The following KCNA1 variants were observed in gnomAD, a reference collection of about 807,000 sequenced individuals.
KCNA1 encodes the protein potassium channel, voltage gated shaker related subfamily A, member 1.
KCNA1 carries 19 observed loss-of-function variants against 28.8 expected under a neutral mutation model. The ratio of observed to expected loss-of-function variants is 0.66; its 90% CI spans 0.46 to 0.97. KCNA1 has a LOEUF of 0.97. Ranked by LOEUF, KCNA1 falls within the 50% of genes least tolerant of loss-of-function variation. The pLI, the probability that KCNA1 is intolerant of heterozygous loss-of-function variation, is 0.00. For missense variants in KCNA1, 419 were observed against 659.7 expected (o/e 0.64, Z 4.00); for synonymous variants, 311 against 268.8 (o/e 1.16, Z -1.53).
At position 4,913,273 on chromosome 12, in the gene KCNA1, G is replaced by A. The variant is rs914667114; in HGVS notation, c.*407G>A. On this transcript the variant is annotated 3_prime_UTR_variant, in exon 2 of 2. Coordinates refer to ENST00000382545, the MANE Select transcript of KCNA1 (RefSeq NM_000217.3). ...ACTTAGAAATATGAAATTGAAATTC[G>A]CATGGGACTCCAGTAAAACATCTTT... is the stretch of plus-strand genomic sequence containing the variant. The A allele has an allele frequency of 2.2e-5, 6 of 272,652 alleles. No homozygotes were observed. The highest frequency in any genetic ancestry group is 4.5e-5 in the South Asian group (1 of 22,248). The allele number at this position is 272,652 out of a possible 1,614,324, so 16.9% of individuals were successfully genotyped here.
Position 4,911,147 on chromosome 12 carries a change from C to T in KCNA1, c.-232C>T. On this transcript the variant is annotated 5_prime_UTR_variant, in exon 2 of 2. Coordinates refer to ENST00000382545, the MANE Select transcript of KCNA1 (RefSeq NM_000217.3). The surrounding 1 kb of genome is among the most constrained non-coding windows in gnomAD (Gnocchi z 6.6). ...ACCCTCTGCAAAAAGCTGCACCCGG[C>T]CCGCAGGCGAGGGGGATTCCAAACT... 1.7e-6 allele frequency: 1 copy of T among 596,738 alleles called. No individual in the cohort carries two copies. The highest frequency in any genetic ancestry group is 3.0e-6 in the Non-Finnish European group (1 of 335,102). 37.0% of individuals were successfully genotyped at this position (596,738 alleles called of 1,614,324 possible).
rs1947396695 is a variant in KCNA1, at chr12:4,918,096, A to C, written c.*5230A>C. ...CCTACTGCGCATTCTCCCTTCTCTA[A>C]CTGTGTAATATGTCAGGTCAAGGAC... On this transcript the variant is annotated 3_prime_UTR_variant, in exon 2 of 2. Transcript: ENST00000382545. The C allele has an allele frequency of 6.0e-6, 1 of 167,008 alleles. No individual in the cohort carries two copies. The highest frequency in any genetic ancestry group is 1.5e-5 in the Non-Finnish European group (1 of 68,100). 10.3% of individuals were successfully genotyped at this position (167,008 alleles called of 1,614,324 possible).
chr12:4,917,803 T>C lies in KCNA1; in HGVS notation c.*4937T>C, dbSNP rs1947394609. The C allele has an allele frequency of 6.0e-6, 1 of 167,076 alleles. No individual in the cohort carries two copies. The highest frequency in any genetic ancestry group is 2.1e-4 in the South Asian group (1 of 4,824). The allele number at this position is 167,076 out of a possible 1,614,324, so 10.3% of individuals were successfully genotyped here. A position where few individuals can be genotyped will look rare whatever the true frequency, so the allele number is the denominator to read the frequency against. Reference sequence around the variant, plus strand: ...TATTCCAGGTCAAAGTTGTCTCCTCTCCAAACCTTGCAGAAGCACCTTTCT... The same window carrying C: ...TATTCCAGGTCAAAGTTGTCTCCTCCCCAAACCTTGCAGAAGCACCTTTCT... On this transcript the variant is annotated 3_prime_UTR_variant, in exon 2 of 2. Transcript: ENST00000382545.
At position 4,910,339 on chromosome 12, in the gene KCNA1, T is replaced by G. The variant is rs1200107865; in HGVS notation, c.-673T>G. On this transcript the variant is annotated 5_prime_UTR_variant, in exon 1 of 2. Transcript: ENST00000382545. This position sits in a 1 kb window ranked among gnomAD's most constrained non-coding sequence, Gnocchi z 4.9. ...GACGAGTGGACCAGGGCGGCGAGTTTGCCCGGCGCGTCTCGGATGCTGCTG... is the reference window on the plus strand; with the variant it reads ...GACGAGTGGACCAGGGCGGCGAGTTGGCCCGGCGCGTCTCGGATGCTGCTG... 2 of 152,208 alleles carry G rather than the reference T, an allele frequency of 1.3e-5. No homozygotes were observed. Among genetic ancestry groups the G allele is most frequent in the African/African-American group, 4.8e-5 (2 of 41,452 alleles). 9.4% of individuals were successfully genotyped at this position (152,208 alleles called of 1,614,324 possible). A position where few individuals can be genotyped will look rare whatever the true frequency, so the allele number is the denominator to read the frequency against.
Position 4,911,545 on chromosome 12 carries a change from C to T in KCNA1, c.167C>T (p.Ala56Val). The change falls in exon 2 of 2, where the codon GCG becomes GTG. Residue 56 changes from alanine to valine, a missense_variant. This residue lies in a region of KCNA1 where 217 missense variants were observed against 329.6 expected (regional missense o/e 0.66). Transcript: ENST00000382545. This position sits in a 1 kb window ranked among gnomAD's most constrained non-coding sequence, Gnocchi z 6.6. Reference protein sequence around the residue: ...LRFETQLKTLAQFPNTLLGNP... With the variant: ...LRFETQLKTLVQFPNTLLGNP... ...TTCGAGACGCAGCTCAAGACCCTGG[C>T]GCAGTTCCCCAACACGCTGCTGGGC... is the stretch of plus-strand genomic sequence containing the variant. 6.2e-7 allele frequency: 1 copy of T among 1,614,194 alleles called. No individual in the cohort carries two copies. The highest frequency in any genetic ancestry group is 8.5e-7 in the Non-Finnish European group (1 of 1,180,036).
Position 4,912,562 on chromosome 12 carries a change from C to T in KCNA1, c.1184C>T (p.Ala395Val). 6.2e-7 allele frequency: 1 copy of T among 1,613,942 alleles called. No individual in the cohort carries two copies. Among genetic ancestry groups the T allele is most frequent in the Non-Finnish European group, 8.5e-7 (1 of 1,179,988 alleles). Residue 395 changes from alanine (A) to valine (V), a missense_variant, in exon 2 of 2, where the codon GCT becomes GTT. This residue lies in a region of KCNA1 where 54 missense variants were observed against 186.4 expected (regional missense o/e 0.29). Transcript: ENST00000382545. ...ATCGTGGGCTCCTTGTGTGCCATCG[C>T]TGGTGTGCTAACAATTGCCCTGCCC... ...GKIVGSLCAI[A>V]GVLTIALPVP... is the part of the protein sequence containing the mutation.
rs1452764798 is a variant in KCNA1, at chr12:4,915,601, T to C, written c.*2735T>C. The C allele has an allele frequency of 6.0e-6, 1 of 167,122 alleles. No homozygotes were observed. Among genetic ancestry groups the C allele is most frequent in the African/African-American group, 2.4e-5 (1 of 41,458 alleles). The allele number at this position is 167,122 out of a possible 1,614,324, so 10.4% of individuals were successfully genotyped here. A position where few individuals can be genotyped will look rare whatever the true frequency, so the allele number is the denominator to read the frequency against. On this transcript the variant is annotated 3_prime_UTR_variant, in exon 2 of 2. Transcript: ENST00000382545. ...CCTCCCATGTGATGTCTCCTTCTCG[T>C]CTGAACCTTAACTCATTCTGGCGAT...
rs1212813081 is a variant in KCNA1 at position 4,916,457 on chromosome 12, C to T, written c.*3591C>T. 1 of 167,108 alleles carries T rather than the reference C, an allele frequency of 6.0e-6. No individual in the cohort carries two copies. Among genetic ancestry groups the T allele is most frequent in the Admixed American group, 6.5e-5 (1 of 15,288 alleles). 10.4% of individuals were successfully genotyped at this position (167,108 alleles called of 1,614,324 possible). A position where few individuals can be genotyped will look rare whatever the true frequency, so the allele number is the denominator to read the frequency against. Reference sequence around the variant, plus strand: ...CAGAGAGACCAAAGACATTCATTTCCTCTGTCCTCAGATTTCTAGAAGACA... The same window carrying T: ...CAGAGAGACCAAAGACATTCATTTCTTCTGTCCTCAGATTTCTAGAAGACA... On this transcript the variant is annotated 3_prime_UTR_variant, in exon 2 of 2. Coordinates refer to ENST00000382545, the MANE Select transcript of KCNA1 (RefSeq NM_000217.3).
At position 4,912,224 on chromosome 12, in the gene KCNA1, C is replaced by T. The variant is rs971854626; in HGVS notation, c.846C>T (p.Gly282=). 1 of 1,612,874 alleles carries T rather than the reference C, an allele frequency of 6.2e-7. No homozygotes were observed. Among genetic ancestry groups the T allele is most frequent in the Non-Finnish European group, 8.5e-7 (1 of 1,179,780 alleles). The change falls in exon 2 of 2, where the codon GGC becomes GGT. Residue 282 remains glycine, a synonymous_variant. Coordinates refer to ENST00000382545, the MANE Select transcript of KCNA1 (RefSeq NM_000217.3). ...EIAEQEGNQK[G]EQATSLAILR... ...CTGAGCAGGAAGGAAACCAGAAGGG[C>T]GAGCAGGCCACCTCCCTGGCCATCC...
rs555768483 is a variant in KCNA1 at position 4,917,159 on chromosome 12, G to C, written c.*4293G>C. ...CTGCCAAACAAGCATGTTATCTTCA[G>C]GCTTTTCCAAGCAAGAATGAAGTCT... On this transcript the variant is annotated 3_prime_UTR_variant, in exon 2 of 2. Coordinates refer to ENST00000382545, the MANE Select transcript of KCNA1 (RefSeq NM_000217.3). 6.0e-6 allele frequency: 1 copy of C among 167,112 alleles called. No homozygotes were observed. The highest frequency in any genetic ancestry group is 2.1e-4 in the South Asian group (1 of 4,806). 10.4% of individuals were successfully genotyped at this position (167,112 alleles called of 1,614,324 possible).
Position 4,917,140 on chromosome 12 carries a change from A to G in KCNA1, c.*4274A>G, listed in dbSNP as rs749760679. ...TTGTTAGAAAGAATATAAACTGCCA[A>G]ACAAGCATGTTATCTTCAGGCTTTT... is the stretch of plus-strand genomic sequence containing the variant. On this transcript the variant is annotated 3_prime_UTR_variant, in exon 2 of 2. Transcript: ENST00000382545. 1 of 167,076 alleles carries G rather than the reference A, an allele frequency of 6.0e-6. No individual in the cohort carries two copies. Among genetic ancestry groups the G allele is most frequent in the Non-Finnish European group, 1.5e-5 (1 of 68,124 alleles). 10.3% of individuals were successfully genotyped at this position (167,076 alleles called of 1,614,324 possible). A position where few individuals can be genotyped will look rare whatever the true frequency, so the allele number is the denominator to read the frequency against.
chr12:4,911,367 C>G lies in KCNA1; in HGVS notation c.-12C>G. Reference sequence around the variant, plus strand: ...CTCTCCTGGCCTCCCACCCCCGCGCCCGGCTTCCACCATGACGGTGATGTC... The same window carrying G: ...CTCTCCTGGCCTCCCACCCCCGCGCGCGGCTTCCACCATGACGGTGATGTC... On this transcript the variant is annotated 5_prime_UTR_variant, in exon 2 of 2. Transcript: ENST00000382545. This position sits in a 1 kb window ranked among gnomAD's most constrained non-coding sequence, Gnocchi z 6.6. 6.2e-7 allele frequency: 1 copy of G among 1,610,938 alleles called. No homozygotes were observed. Among genetic ancestry groups the G allele is most frequent in the Non-Finnish European group, 8.5e-7 (1 of 1,179,628 alleles).
rs1361446640 is a variant in KCNA1, at chr12:4,912,424, C to T, written c.1046C>T (p.Ala349Val). ...TCTAGTGCAGTGTACTTTGCCGAGG[C>T]GGAAGAAGCTGAGTCGCACTTCTCC... ...LFSSAVYFAE[A>V]EEAESHFSSI... is the part of the protein sequence containing the mutation. The change falls in exon 2 of 2, where the codon GCG becomes GTG. Residue 349 changes from alanine (A) to valine (V), a missense_variant. Around this residue, in one of 4 missense-constraint regions of KCNA1, gnomAD observed 54 missense variants for 186.4 expected, o/e 0.29. Transcript: ENST00000382545. The T allele has an allele frequency of 1.2e-6, 2 of 1,613,906 alleles. No individual in the cohort carries two copies. The highest frequency in any genetic ancestry group is 1.7e-5 in the Admixed American group (1 of 60,008).
In KCNA1 at chr12:4,911,532, C is replaced by A. The variant is rs1308404461; in HGVS notation, c.154C>A (p.Leu52Ile). The change falls in exon 2 of 2, where the codon CTC (leucine) becomes ATC (isoleucine). Residue 52 changes from leucine to isoleucine, a missense_variant. Physicochemically the swap from Leu to Ile is conservative, Grantham distance 5. Coordinates refer to ENST00000382545, the MANE Select transcript of KCNA1 (RefSeq NM_000217.3). This position sits in a 1 kb window ranked among gnomAD's most constrained non-coding sequence, Gnocchi z 6.6. ...NISGLRFETQLKTLAQFPNTL... is the reference protein window; with the variant it reads ...NISGLRFETQIKTLAQFPNTL... ...CTCCGGGCTGCGCTTCGAGACGCAGCTCAAGACCCTGGCGCAGTTCCCCAA... is the reference window on the plus strand; with the variant it reads ...CTCCGGGCTGCGCTTCGAGACGCAGATCAAGACCCTGGCGCAGTTCCCCAA... 1.2e-6 allele frequency: 2 copies of A among 1,614,188 alleles called. No homozygotes were observed. The highest frequency in any genetic ancestry group is 1.7e-6 in the Non-Finnish European group (2 of 1,180,038).
chr12:4,911,613 G>T lies in KCNA1; in HGVS notation c.235G>T (p.Glu79Ter), dbSNP rs998114173. ...GCGCTACTTCGACCCCCTGAGGAAC[G>T]AGTACTTCTTCGACCGCAACCGGCC... ...RMRYFDPLRN[E>*]YFFDRNRPSF... is the part of the protein sequence containing the mutation. The change falls in exon 2 of 2, where the codon GAG becomes TAG. Residue 79 changes from glutamate to a stop codon, truncating the protein, a stop_gained. Transcript: ENST00000382545. LOFTEE classifies it high-confidence loss of function. This position sits in a 1 kb window ranked among gnomAD's most constrained non-coding sequence, Gnocchi z 6.6. The T allele has an allele frequency of 6.2e-7, 1 of 1,614,166 alleles. No individual in the cohort carries two copies. The highest frequency in any genetic ancestry group is 1.3e-5 in the African/African-American group (1 of 75,044).
At position 4,911,287 on chromosome 12, in the gene KCNA1, G is replaced by A; in HGVS notation, c.-92G>A. The A allele has an allele frequency of 2.0e-5, 20 of 983,266 alleles. No individual in the cohort carries two copies. Among genetic ancestry groups the A allele is most frequent in the Non-Finnish European group, 2.8e-5 (18 of 653,702 alleles). The allele number at this position is 983,266 out of a possible 1,614,324, so 60.9% of individuals were successfully genotyped here. A position where few individuals can be genotyped will look rare whatever the true frequency, so the allele number is the denominator to read the frequency against. Reference sequence around the variant, plus strand: ...TGAGGGAGACGCGCGCTCCGGTGGGGGGGCCGCTTGGGTCCCCCCCACCCC... The same window carrying A: ...TGAGGGAGACGCGCGCTCCGGTGGGAGGGCCGCTTGGGTCCCCCCCACCCC... On this transcript the variant is annotated 5_prime_UTR_variant, in exon 2 of 2. Coordinates refer to ENST00000382545, the MANE Select transcript of KCNA1 (RefSeq NM_000217.3). This position sits in a 1 kb window ranked among gnomAD's most constrained non-coding sequence, Gnocchi z 6.6.
rs1045641584 is a variant in KCNA1 at position 4,911,263 on chromosome 12, G to A, written c.-116G>A. The A allele has an allele frequency of 5.3e-6, 4 of 748,746 alleles. No homozygotes were observed. Among genetic ancestry groups the A allele is most frequent in the African/African-American group, 5.3e-5 (3 of 56,638 alleles). The allele number at this position is 748,746 out of a possible 1,614,324, so 46.4% of individuals were successfully genotyped here. On this transcript the variant is annotated 5_prime_UTR_variant, in exon 2 of 2. Transcript: ENST00000382545. This position sits in a 1 kb window ranked among gnomAD's most constrained non-coding sequence, Gnocchi z 6.6. ...TGTTGAAGCACCTCCCCCTGGGCGTGAGGGAGACGCGCGCTCCGGTGGGGG... is the reference window on the plus strand; with the variant it reads ...TGTTGAAGCACCTCCCCCTGGGCGTAAGGGAGACGCGCGCTCCGGTGGGGG...
chr12:4,914,616 T>C lies in KCNA1; in HGVS notation c.*1750T>C. 1 of 167,272 alleles carries C rather than the reference T, an allele frequency of 6.0e-6. No homozygotes were observed. The highest frequency in any genetic ancestry group is 1.9e-4 in the East Asian group (1 of 5,180). 10.4% of individuals were successfully genotyped at this position (167,272 alleles called of 1,614,324 possible). ...GTGGGGAAGGGTTGGGGCACAGACC[T>C]TTTGCTTTTTCTTTTTCCATTCTCG... On this transcript the variant is annotated 3_prime_UTR_variant, in exon 2 of 2. Transcript: ENST00000382545.
rs1245568439 is a variant in KCNA1, at chr12:4,910,192, C to T, written c.-820C>T. ...TTTCCGCCCCGCATCCTCCGGAACT[C>T]CCTGCACCGGAGAGAGGACGGCGTC... On this transcript the variant is annotated 5_prime_UTR_variant, in exon 1 of 2. Coordinates refer to ENST00000382545, the MANE Select transcript of KCNA1 (RefSeq NM_000217.3). This position sits in a 1 kb window ranked among gnomAD's most constrained non-coding sequence, Gnocchi z 4.9. The T allele has an allele frequency of 6.6e-6, 1 of 152,432 alleles. No individual in the cohort carries two copies. Among genetic ancestry groups the T allele is most frequent in the African/African-American group, 2.4e-5 (1 of 41,462 alleles). 9.4% of individuals were successfully genotyped at this position (152,432 alleles called of 1,614,324 possible). A position where few individuals can be genotyped will look rare whatever the true frequency, so the allele number is the denominator to read the frequency against.
Sources: allele counts gnomAD v4.1 joint callset, GRCh38; gene constraint gnomAD v4.1.1; regional missense constraint gnomAD v4.1.1; non-coding constraint Gnocchi (gnomAD v3.1); transcripts MANE v1.5; gene names NCBI Gene and HGNC (gene_info 2026-07-23, HGNC 2026-07-21).